DYRK1A: variants seen among roughly 807,000 people sequenced by gnomAD.
DYRK1A encodes dual specificity tyrosine-phosphorylation-regulated kinase 1A.
DYRK1A carries 9 observed loss-of-function variants against 79.7 expected under a neutral mutation model. That is an observed-to-expected ratio of 0.11 (90% confidence interval 0.07 to 0.20). DYRK1A has a LOEUF of 0.20. Among genes scored for constraint, DYRK1A ranks in the 10% least tolerant of loss-of-function variants. The pLI, the probability that DYRK1A is intolerant of heterozygous loss-of-function variation, is 1.00. For synonymous variants in DYRK1A, 349 were observed against 329.7 expected, an observed-to-expected ratio of 1.06 and a Z score of -0.63; for missense variants, 622 against 956.0, an observed-to-expected ratio of 0.65 and a Z score of 4.61.
chr21:37,417,529 C>CTTTTTTTT (rs3216074), intron 1 of DYRK1A, among the ~76,000 whole-genome samples: 19 of 44,034 alleles, frequency 4.3e-4, no homozygotes, highest in Admixed American at 9.6e-4. Context: ...TTTTCTTTTT[C>CTTTTTTTT]TTTTTTTTTT....
At chr21:37,377,861 C>T (rs1206326864) in intron 1 of DYRK1A, among the ~76,000 whole-genome samples, 1 of 152,202 alleles carries the variant, frequency 6.6e-6, no homozygotes, top group Non-Finnish European at 1.5e-5. Context: ...CTCTTTTAAA[C>T]AATGCTGGTG....
At chr21:37,433,530 C>A (rs1422493928) in intron 2 of DYRK1A, among the ~76,000 whole-genome samples, 1 of 152,216 alleles carries the variant, frequency 6.6e-6, no homozygotes, top group Non-Finnish European at 1.5e-5. Context: ...TTATTTCTCT[C>A]TTACCTTTAT....
intron 2 of DYRK1A, among the ~76,000 whole-genome samples, chr21:37,438,067 T>G (rs73218420): frequency 0.075 from 11,481 of 152,276 alleles, 643 homozygotes; most frequent in Non-Finnish European, 0.11. Context: ...TATCTCATTG[T>G]GTTTCTCTGT....
At chr21:37,376,293 A>C (rs2049539096) in intron 1 of DYRK1A, among the ~76,000 whole-genome samples, 1 of 152,184 alleles carries the variant, frequency 6.6e-6, no homozygotes, top group South Asian at 2.1e-4. Context: ...GTGGATCACG[A>C]GGTCAGGAGT....
chr21:37,469,547 C>G (rs1047240052), intron 2 of DYRK1A, among the ~76,000 whole-genome samples: 5 of 152,188 alleles, frequency 3.3e-5, no homozygotes, highest in Admixed American at 1.3e-4. Context: ...ATGGTTCTTT[C>G]TTCAGGCTGT....
rs191968544 is a variant in DYRK1A at position 37,384,340 on chromosome 21, A to G, written c.-77+16712A>G. Among the ~76,000 whole-genome samples the G allele has an allele frequency of 1.8e-4, 28 of 152,316 alleles. No homozygotes were observed. The East Asian group carries it at 5.2e-3, about 28-fold the overall frequency. ...AGTTTCTGGGGGAGCTGTAAGCAGAAAAAATCTCAGAGTTTACAGAGGGCT... is the reference window on the plus strand; with the variant it reads ...AGTTTCTGGGGGAGCTGTAAGCAGAGAAAATCTCAGAGTTTACAGAGGGCT... On this transcript the variant is annotated intron_variant, in intron 1 of 11. Transcript: ENST00000647188.
intron 1 of DYRK1A, among the ~76,000 whole-genome samples, chr21:37,381,421 TTCTG>T (rs1365185426): frequency 6.6e-6 from 1 of 152,192 alleles, no homozygotes; most frequent in Non-Finnish European, 1.5e-5. Context: ...AGTGGAAAGA[TTCTG>T]TCTTCTGTAT....
At chr21:37,383,944 A>C (rs1331140465) in intron 1 of DYRK1A, among the ~76,000 whole-genome samples, 1 of 152,114 alleles carries the variant, frequency 6.6e-6, no homozygotes, top group African/African-American at 2.4e-5. Context: ...TTGCCTTCCT[A>C]CTGTAAACAT....
intron 2 of DYRK1A, among the ~76,000 whole-genome samples, chr21:37,452,061 G>T (rs1449918016): frequency 6.6e-6 from 1 of 152,080 alleles, no homozygotes; most frequent in Non-Finnish European, 1.5e-5. Context: ...GAGAGAAATG[G>T]TGGGAAATAA....
chr21:37,480,291 A>G (rs2052590096), intron 4 of DYRK1A, among the ~76,000 whole-genome samples: 1 of 152,170 alleles, frequency 6.6e-6, no homozygotes, highest in South Asian at 2.1e-4. Flanking sequence ...GCTGTTTGGC[A>G]TTTGGTAACT....
Position 37,472,886 on chromosome 21 carries a change from T to G in DYRK1A, c.207+6T>G. The G allele has an allele frequency of 6.5e-7, 1 of 1,529,350 alleles. No homozygotes were observed. The highest frequency in any genetic ancestry group is 8.9e-7 in the Non-Finnish European group (1 of 1,125,764). The allele number at this position is 1,529,350 out of a possible 1,614,324, so 94.7% of individuals were successfully genotyped here. ...AGCAACCTCTAACTAACCAGGTAAG[T>G]TCATGGAGTATCAGAAATGACTATT... On this transcript the variant is annotated splice_donor_region_variant and intron_variant, in intron 3 of 11. Transcript: ENST00000647188.
At chr21:37,454,354 A>C (rs35039037) in intron 2 of DYRK1A, among the ~76,000 whole-genome samples, 7,843 of 152,076 alleles carry the variant, frequency 0.052, 244 homozygotes, top group Middle Eastern at 0.14. Flanking sequence ...TCGGCCTCCC[A>C]AAGTGCCGGA....
chr21:37,478,333 T>C, intron 4 of DYRK1A, 33 bp downstream of exon 4: 1 of 1,596,676 alleles, frequency 6.3e-7, no homozygotes, highest in South Asian at 1.1e-5. Context: ...AACATCTATC[T>C]TGCAGTATGT....
At chr21:37,491,647 C>T (rs2053100201) in intron 7 of DYRK1A, among the ~76,000 whole-genome samples, 1 of 152,060 alleles carries the variant, frequency 6.6e-6, no homozygotes, top group Non-Finnish European at 1.5e-5. Context: ...GAGTAGGGAG[C>T]AAAGTTTGCA....
At position 37,366,868 on chromosome 21, in the gene DYRK1A, G is replaced by T. The variant is rs1408924296; in HGVS notation, c.-837G>T. On this transcript the variant is annotated 5_prime_UTR_variant, in exon 1 of 12. Coordinates refer to ENST00000647188, the MANE Select transcript of DYRK1A (RefSeq NM_001347721.2). The stretch of plus-strand genomic sequence containing the variant: ...TAATAAAAAGCCCCATTGGAGTGAG[G>T]CGGGGGTGGCGGCGGCAACCGCGGC... The T allele has an allele frequency of 6.5e-6, 1 of 152,964 alleles. No individual in the cohort carries two copies. Among genetic ancestry groups the T allele is most frequent in the Non-Finnish European group, 1.5e-5 (1 of 68,588 alleles). 9.5% of individuals were successfully genotyped at this position (152,964 alleles called of 1,614,324 possible). A position where few individuals can be genotyped will look rare whatever the true frequency, so the allele number is the denominator to read the frequency against.
chr21:37,386,896 A>G (rs1437807831), intron 1 of DYRK1A, among the ~76,000 whole-genome samples: 2 of 152,220 alleles, frequency 1.3e-5, no homozygotes, highest in East Asian at 1.9e-4. Context: ...TAGCTGGATA[A>G]GAATGTGGTA....
intron 1 of DYRK1A, among the ~76,000 whole-genome samples, chr21:37,387,299 C>T (rs1183108626): frequency 6.6e-6 from 1 of 152,146 alleles, no homozygotes; most frequent in Non-Finnish European, 1.5e-5. Flanking sequence ...GTTATATAAT[C>T]TTTTTTGGTA....
chr21:37,406,248 G>A (rs1392336107), intron 1 of DYRK1A, among the ~76,000 whole-genome samples: 1 of 152,118 alleles, frequency 6.6e-6, no homozygotes, highest in Non-Finnish European at 1.5e-5. Flanking sequence ...GTGTTTACTG[G>A]TTAATTTTTA....
chr21:37,400,159 A>G (rs1255057303), intron 1 of DYRK1A, among the ~76,000 whole-genome samples: 2 of 152,220 alleles, frequency 1.3e-5, no homozygotes, highest in African/African-American at 2.4e-5. Flanking sequence ...ACTTGTGGCC[A>G]CATTACCTCA....
Sources: allele counts gnomAD v4.1 joint callset (sites outside exome capture counted in the v4.1 genomes callset), GRCh38; gene constraint gnomAD v4.1.1; transcripts MANE v1.5; gene names NCBI Gene and HGNC (gene_info 2026-07-23, HGNC 2026-07-21).